DPF3: variants seen among roughly 807,000 people sequenced by gnomAD.
The protein encoded by DPF3 is double PHD fingers 3.
A neutral mutation model predicts 56.8 loss-of-function variants in DPF3; 18 were observed. The ratio of observed to expected loss-of-function variants is 0.32; its 90% confidence interval spans 0.22 to 0.47. DPF3 has a LOEUF of 0.47. DPF3 is among the 20% of genes least tolerant of loss of function. The pLI is 1.00. For missense variants in DPF3, 403 were observed against 488.8 expected, an observed-to-expected ratio of 0.82 and a Z score of 1.65; for synonymous variants, 188 against 180.2, an observed-to-expected ratio of 1.04 and a Z score of -0.35.
chr14:72,809,617 G>A (rs145639835), intron 1 of DPF3, among the ~76,000 whole-genome samples: 3 of 152,150 alleles, frequency 2.0e-5, no homozygotes, highest in East Asian at 1.9e-4. Flanking sequence ...GGTCCTCGGC[G>A]CCTGGTGGAA....
At chr14:72,679,745 C>A (rs1887075296) in intron 7 of DPF3, among the ~76,000 whole-genome samples, 1 of 152,208 alleles carries the variant, frequency 6.6e-6, no homozygotes, top group African/African-American at 2.4e-5. Flanking sequence ...AGCATGCTAG[C>A]CCCGTGCCAC....
chr14:72,731,480 T>C (rs1261989283), intron 4 of DPF3: 4 of 243,726 alleles, frequency 1.6e-5, no homozygotes, highest in East Asian at 2.2e-4. Flanking sequence ...CTTGGTTCCA[T>C]GGGGACAAGG....
intron 3 of DPF3, among the ~76,000 whole-genome samples, chr14:72,733,200 C>A (rs1410089404): frequency 6.6e-6 from 1 of 152,190 alleles, no homozygotes; most frequent in Non-Finnish European, 1.5e-5. Flanking sequence ...TACCCCCACA[C>A]TGCCACAGTT....
At chr14:72,711,048 G>A (rs915728277) in intron 6 of DPF3, among the ~76,000 whole-genome samples, 1 of 152,150 alleles carries the variant, frequency 6.6e-6, no homozygotes, top group Non-Finnish European at 1.5e-5. Context: ...AGGAAGCTTG[G>A]AGCAAGAACA....
chr14:72,624,511 G>T (rs962725307), intron 9 of DPF3, among the ~76,000 whole-genome samples: 1 of 151,780 alleles, frequency 6.6e-6, no homozygotes, highest in Non-Finnish European at 1.5e-5. Context: ...GCTAATTTTT[G>T]TATTTTTAGT....
chr14:72,693,334 A>G (rs1370642933), intron 6 of DPF3, 121 bp from the exon 7 acceptor site: 12 of 1,162,068 alleles, frequency 1.0e-5, no homozygotes, highest in Middle Eastern at 4.3e-4. Flanking sequence ...TTCCCTTAAA[A>G]CTGTCTCCCA....
At chr14:72,677,987 G>T (rs1432717529) in intron 7 of DPF3, among the ~76,000 whole-genome samples, 1 of 152,176 alleles carries the variant, frequency 6.6e-6, no homozygotes, top group African/African-American at 2.4e-5. Context: ...GAAAGGAGAA[G>T]AAAAGGAAGC....
chr14:72,708,926 G>C (rs1888536691), intron 6 of DPF3, among the ~76,000 whole-genome samples: 1 of 152,194 alleles, frequency 6.6e-6, no homozygotes. Flanking sequence ...GGGCAGTCCG[G>C]AGGCCCAAAG....
intron 3 of DPF3, among the ~76,000 whole-genome samples, chr14:72,742,117 G>A (rs1890147038): frequency 1.3e-5 from 2 of 152,204 alleles, no homozygotes; most frequent in Admixed American, 6.5e-5. Flanking sequence ...AGCCTGAGTG[G>A]GGGCTGCACG....
chr14:72,669,046 G>T lies in DPF3; in HGVS notation c.871+5194C>A, dbSNP rs553928962. On this transcript the variant is annotated intron_variant, in intron 8 of 10. Transcript: ENST00000556509. ...AGACAGAACAACCCAAAAGTGGTTGGGATTGTTACTTTCATTCCCTCAAAA... is the reference window on the plus strand; with the variant it reads ...AGACAGAACAACCCAAAAGTGGTTGTGATTGTTACTTTCATTCCCTCAAAA... 5.3e-5 allele frequency among the ~76,000 whole-genome samples: 8 copies of T among 152,226 alleles called. No homozygotes were observed. The South Asian group carries it at 1.7e-3, about 32-fold the overall frequency.
chr14:72,826,979 T>C (rs955532095), intron 1 of DPF3, among the ~76,000 whole-genome samples: 7 of 150,464 alleles, frequency 4.7e-5, no homozygotes, highest in Admixed American at 2.7e-4. Context: ...AAGGTGGAGG[T>C]TGCAGTGAGC....
At chr14:72,852,212 G>C (rs964800399) in intron 1 of DPF3, among the ~76,000 whole-genome samples, 7 of 152,152 alleles carry the variant, frequency 4.6e-5, no homozygotes, top group African/African-American at 1.7e-4. Flanking sequence ...TCTTGGGTGC[G>C]CCCCTCAAGG....
chr14:72,863,851 TG>T (rs1476631156), intron 1 of DPF3, among the ~76,000 whole-genome samples: 1 of 152,216 alleles, frequency 6.6e-6, no homozygotes, highest in Non-Finnish European at 1.5e-5. Flanking sequence ...GCAGCTGTTC[TG>T]CCTAGAAAGA....
rs1239720240 is a variant in DPF3 at position 72,610,322 on chromosome 14, C to G, written c.*8975G>C. Among the ~76,000 whole-genome samples, 1 of 152,180 alleles carries G rather than the reference C, an allele frequency of 6.6e-6. No individual in the cohort carries two copies. The highest frequency in any genetic ancestry group is 1.5e-5 in the Non-Finnish European group (1 of 68,032). ...TCCTCGTGGAGCAGCAGGTAGGCAG[C>G]TCATTCCCAGGGACCTGGTCATCCT... is the stretch of plus-strand genomic sequence containing the variant. On this transcript the variant is annotated 3_prime_UTR_variant, in exon 11 of 11. Transcript: ENST00000556509.
intron 6 of DPF3, among the ~76,000 whole-genome samples, chr14:72,708,948 C>A (rs1010588569): frequency 2.6e-5 from 4 of 152,164 alleles, no homozygotes; most frequent in Admixed American, 2.6e-4. Context: ...AGGAGCCATC[C>A]CCTCACGGAC....
In DPF3 at chr14:72,621,495, C is replaced by T. The variant is rs369186359; in HGVS notation, c.985-1511G>A. Among the ~76,000 whole-genome samples the T allele has an allele frequency of 7.5e-4, 115 of 152,340 alleles. 1 individual carries two copies. The highest frequency in any genetic ancestry group is 2.6e-3 in the African/African-American group (108 of 41,580). On this transcript the variant is annotated intron_variant, in intron 9 of 10. Transcript: ENST00000556509. The stretch of plus-strand genomic sequence containing the variant: ...AAATTAGATATAGCTGTTGGAATCC[C>T]CAGGGAGCAAGCAATGAGGGCTTTT...
rs1319074221 is a variant in DPF3 at position 72,800,486 on chromosome 14, T to TTGGA, written c.33-28597_33-28594dup. On this transcript the variant is annotated intron_variant, in intron 1 of 10. Coordinates refer to ENST00000556509, the MANE Select transcript of DPF3 (RefSeq NM_001280542.3). ...GATGGACACATGGATGCATGGATGCTTGGATGGATGGATGGATGCATGGAT... is the reference window on the plus strand; with the variant it reads ...GATGGACACATGGATGCATGGATGCTTGGATGGATGGATGGATGGATGCATGGAT... Among the ~76,000 whole-genome samples the TTGGA allele has an allele frequency of 5.0e-5, 6 of 119,940 alleles. No individual in the cohort carries two copies. The East Asian group carries it at 9.9e-4, about 20-fold the overall frequency. The allele number at this position is 119,940 out of a possible 152,430, so 78.7% of individuals were successfully genotyped here.
chr14:72,631,351 T>C (rs893907304), intron 8 of DPF3, among the ~76,000 whole-genome samples: 3 of 152,204 alleles, frequency 2.0e-5, no homozygotes, highest in Non-Finnish European at 4.4e-5. Context: ...AAAGCCTGTG[T>C]GAACAGCCAG....
chr14:72,719,461 C>T (rs186313173), intron 5 of DPF3, among the ~76,000 whole-genome samples: 54 of 152,296 alleles, frequency 3.5e-4, no homozygotes, highest in African/African-American at 1.3e-3. Flanking sequence ...ACCCCATGGA[C>T]TTACTGCATC....
Sources: allele counts gnomAD v4.1 joint callset (sites outside exome capture counted in the v4.1 genomes callset), GRCh38; gene constraint gnomAD v4.1.1; transcripts MANE v1.5; gene names NCBI Gene and HGNC (gene_info 2026-07-23, HGNC 2026-07-21).